Variants in SEC23A observed in about 807,000 individuals in gnomAD.
The protein encoded by SEC23A is protein transport protein Sec23A.
A neutral mutation model predicts 103.7 loss-of-function variants in SEC23A; 56 were observed. That is an observed-to-expected ratio of 0.54 (90% CI 0.44 to 0.67). The LOEUF is 0.67. Among genes scored for constraint, SEC23A ranks in the 30% least tolerant of loss-of-function variants. The pLI, the probability that SEC23A is intolerant of heterozygous loss-of-function variation, is 0.00. For missense variants in SEC23A, 784 were observed against 936.4 expected (o/e 0.84, Z 2.12); for synonymous variants, 281 against 293.0 (o/e 0.96, Z 0.42).
rs192127984 is a variant in SEC23A at position 39,080,339 on chromosome 14, G to A, written c.829-4246C>T. Among the ~76,000 whole-genome samples the A allele has an allele frequency of 1.4e-3, 215 of 152,262 alleles. 1 individual carries two copies. Among genetic ancestry groups the A allele is most frequent in the African/African-American group, 4.7e-3 (196 of 41,538 alleles). On this transcript the variant is annotated intron_variant, in intron 7 of 19. Coordinates refer to ENST00000307712, the MANE Select transcript of SEC23A (RefSeq NM_006364.4). Reference sequence around the variant, plus strand: ...AGAAAAAAACCAAGAGAATGAAAATGAAATAAAGAAATAAAAAGATGGCTG... The same window carrying A: ...AGAAAAAAACCAAGAGAATGAAAATAAAATAAAGAAATAAAAAGATGGCTG...
At chr14:39,099,144 T>C (rs1269415983) in intron 1 of SEC23A, among the ~76,000 whole-genome samples, 2 of 146,010 alleles carry the variant, frequency 1.4e-5, no homozygotes, top group Admixed American at 7.3e-5. Flanking sequence ...AAACATTAAA[T>C]TGTTTTTGGG....
intron 14 of SEC23A, among the ~76,000 whole-genome samples, chr14:39,052,128 G>A (rs1281394507): frequency 3.3e-5 from 5 of 152,014 alleles, no homozygotes; most frequent in Admixed American, 3.3e-4. Flanking sequence ...GACACATGGG[G>A]GGCAACAACA....
At chr14:39,064,781 T>C (rs1886600286) in intron 11 of SEC23A, 132 bp downstream of exon 11, 1 of 753,218 alleles carries the variant, frequency 1.3e-6, no homozygotes, top group Non-Finnish European at 2.4e-6. Context: ...GGTCTCTCTA[T>C]GTTGCCTGAG....
chr14:39,067,851 G>A (rs1490474313), intron 9 of SEC23A, among the ~76,000 whole-genome samples: 1 of 151,384 alleles, frequency 6.6e-6, no homozygotes, highest in African/African-American at 2.4e-5. Flanking sequence ...TTGTTTTTTT[G>A]TAGAGATAGG....
intron 1 of SEC23A, 145 bp from the exon 2 acceptor site, chr14:39,096,284 A>G (rs1887886948): frequency 1.6e-6 from 1 of 626,090 alleles, no homozygotes; most frequent in Non-Finnish European, 2.8e-6. Context: ...TAATCCCAGC[A>G]CTTTGGGAGG....
rs754510276 is a variant in SEC23A at position 39,091,449 on chromosome 14, G to A, written c.603+28C>T. On this transcript the variant is annotated intron_variant, in intron 5 of 19. Transcript: ENST00000307712. ...ACATATATAGAGTAATTTTCAGATA[G>A]GTAAAAACTACCATTCTTGTTGTTT... 3.2e-6 allele frequency: 5 copies of A among 1,540,974 alleles called. No individual in the cohort carries two copies. In the South Asian group the frequency reaches 4.5e-5, roughly 14 times the overall value.
At chr14:39,063,637 T>G (rs1489208272) in intron 11 of SEC23A, among the ~76,000 whole-genome samples, 1 of 152,076 alleles carries the variant, frequency 6.6e-6, no homozygotes, top group Non-Finnish European at 1.5e-5. Context: ...AAAGTAAAAT[T>G]TAAATTCTTG....
rs1296747758 is a variant in SEC23A at position 39,040,732 on chromosome 14, C to T, written c.2142G>A (p.Gln714=). ...ACACAAACAAATTAACACTACTTAC[C>T]TGGCTGCCTCCATGTTCAGTGTCAA... ...RYIDTEHGGS[Q]ARFLLSKVNP... is the part of the protein sequence containing the mutation. The change falls in exon 18 of 20, where the codon CAG becomes CAA. Residue 714 remains glutamine, a splice_region_variant and synonymous_variant. Transcript: ENST00000307712. The T allele has an allele frequency of 7.4e-6, 12 of 1,614,060 alleles. No individual in the cohort carries two copies. Among genetic ancestry groups the T allele is most frequent in the Non-Finnish European group, 9.3e-6 (11 of 1,180,038 alleles).
intron 15 of SEC23A, among the ~76,000 whole-genome samples, chr14:39,047,779 G>A (rs1277849070): frequency 6.6e-6 from 1 of 152,126 alleles, no homozygotes; most frequent in Non-Finnish European, 1.5e-5. Flanking sequence ...TTGTAAGAGG[G>A]ATCCATGTCA....
chr14:39,062,521 T>C (rs1001618772), intron 12 of SEC23A, among the ~76,000 whole-genome samples: 17 of 152,252 alleles, frequency 1.1e-4, no homozygotes, highest in African/African-American at 3.4e-4. Flanking sequence ...CATAATCATA[T>C]GATGAACAAC....
At chr14:39,093,768 T>C (rs73287682) in intron 2 of SEC23A, among the ~76,000 whole-genome samples, 10,994 of 152,088 alleles carry the variant, frequency 0.072, 1,339 homozygotes, top group African/African-American at 0.25. Flanking sequence ...CAAAAATATA[T>C]ATATGCACAC....
chr14:39,063,389 G>T lies in SEC23A; in HGVS notation c.1333C>A (p.Gln445Lys). The T allele has an allele frequency of 6.2e-7, 1 of 1,610,398 alleles. No individual in the cohort carries two copies. The highest frequency in any genetic ancestry group is 1.1e-5 in the South Asian group (1 of 90,970). Residue 445 changes from glutamine (Q) to lysine (K), a missense_variant, in exon 12 of 20, where the codon CAG becomes AAG. Around this residue, in one of 2 missense-constraint regions of SEC23A, gnomAD observed 683 missense variants for 774.2 expected, o/e 0.88. Coordinates refer to ENST00000307712, the MANE Select transcript of SEC23A (RefSeq NM_006364.4). ...GGACTAAGTCCACATATCTTCCACT[G>T]ACATGTGCCACCTGTTCCTATCTCC... ...ENEIGTGGTCQWKICGLSPTT... is the reference protein window; with the variant it reads ...ENEIGTGGTCKWKICGLSPTT...
At chr14:39,076,622 A>G (rs1887032223) in intron 7 of SEC23A, among the ~76,000 whole-genome samples, 1 of 151,322 alleles carries the variant, frequency 6.6e-6, no homozygotes, top group African/African-American at 2.4e-5. Context: ...GAACACAAGT[A>G]TCATAGAACA....
intron 7 of SEC23A, among the ~76,000 whole-genome samples, chr14:39,079,832 TAAATA>T (rs879742864): frequency 4.0e-5 from 6 of 151,708 alleles, no homozygotes; most frequent in African/African-American, 1.2e-4. Context: ...AAAAAATAAA[TAAATA>T]AAATAAAATA....
intron 17 of SEC23A, 99 bp from the exon 18 acceptor site, chr14:39,040,986 T>C (rs1885618312): frequency 8.0e-6 from 11 of 1,369,708 alleles, no homozygotes; most frequent in Non-Finnish European, 1.1e-5. Flanking sequence ...ACTAAAAAAA[T>C]TATAGACCAT....
chr14:39,065,789 G>A (rs1042739929), intron 10 of SEC23A, among the ~76,000 whole-genome samples: 6 of 151,754 alleles, frequency 4.0e-5, no homozygotes, highest in Non-Finnish European at 8.8e-5. Context: ...ACCCAAGGTC[G>A]GGAGTTCAAG....
At chr14:39,041,409 C>CAAAAAAAAAAAAAAACAAAAA (rs1885633130) in intron 17 of SEC23A, 1 of 14,638 alleles carries the variant, frequency 6.8e-5, no homozygotes, top group South Asian at 8.3e-3. Context: ...AAAGAAAAAG[C>CAAAAAAAAAAAAAAACAAAAA]AAAAAAAAAA....
At chr14:39,062,447 A>G (rs930236183) in intron 12 of SEC23A, among the ~76,000 whole-genome samples, 3 of 152,192 alleles carry the variant, frequency 2.0e-5, no homozygotes, top group African/African-American at 7.2e-5. Flanking sequence ...GTAACTAGAT[A>G]AACAGAAATT....
At chr14:39,080,387 A>G (rs1432992957) in intron 7 of SEC23A, among the ~76,000 whole-genome samples, 1 of 152,190 alleles carries the variant, frequency 6.6e-6, no homozygotes, top group Admixed American at 6.5e-5. Context: ...AGCAAAGAAG[A>G]GTCAATTTAT....
Sources: gnomAD v4.1 joint callset for allele counts (sites outside exome capture counted in the v4.1 genomes callset) on GRCh38, gnomAD v4.1.1 for gene constraint, gnomAD v4.1.1 regional missense constraint, MANE v1.5 for transcripts, NCBI Gene and HGNC (gene_info 2026-07-23, HGNC 2026-07-21) for gene names.